The following PDSS1 variants were observed in gnomAD, a reference collection of about 807,000 sequenced individuals.
The protein encoded by PDSS1 is all trans-polyprenyl-diphosphate synthase PDSS1.
A neutral mutation model predicts 57.5 loss-of-function variants in PDSS1; 43 were observed. The observed-to-expected ratio is 0.75, with a 90% confidence interval of 0.59 to 0.96. PDSS1 has a LOEUF of 0.96. Ranked by LOEUF, PDSS1 falls within the 50% of genes least tolerant of loss-of-function variation. PDSS1 has a pLI of 0.00. For missense variants in PDSS1, 438 were observed against 527.8 expected (o/e 0.83, Z 1.67); for synonymous variants, 175 against 191.3 (o/e 0.91, Z 0.70).
In PDSS1 at chr10:26,709,763, C is replaced by T; in HGVS notation, c.462C>T (p.Asn154=). Residue 154 remains asparagine, a synonymous_variant, in exon 5 of 12, where the codon AAC becomes AAT. Transcript: ENST00000376215. ...GAGCATGCAATATTCATCATAACAACTCCCGGTGAGCTCTTTTTTTCATTC... is the reference window on the plus strand; with the variant it reads ...GAGCATGCAATATTCATCATAACAATTCCCGGTGAGCTCTTTTTTTCATTC... ...MARACNIHHN[N]SRHVQASQRA... 1.9e-6 allele frequency: 3 copies of T among 1,613,862 alleles called. 1 individual carries two copies. In the East Asian group the frequency reaches 6.7e-5, roughly 36 times the overall value.
At position 26,710,643 on chromosome 10, in the gene PDSS1, A is replaced by G. The variant is rs1219337672; in HGVS notation, c.467+875A>G. Among the ~76,000 whole-genome samples, 28 of 97,908 alleles carry G rather than the reference A, an allele frequency of 2.9e-4. 9 individuals carry two copies. The highest frequency in any genetic ancestry group is 9.3e-4 in the African/African-American group (28 of 29,998). 64.2% of individuals were successfully genotyped at this position (97,908 alleles called of 152,430 possible). On this transcript the variant is annotated intron_variant, in intron 5 of 11. Coordinates refer to ENST00000376215, the MANE Select transcript of PDSS1 (RefSeq NM_014317.5). ...GCGTGAGCCACTGTGCCCAGCCCAT[A>G]AAGCTCTTTTTTGATCTGGGTTCTT...
At chr10:26,702,317 A>C (rs746557193) in intron 2 of PDSS1, 123 bp downstream of exon 2, 19 of 349,384 alleles carry the variant, frequency 5.4e-5, no homozygotes, top group Non-Finnish European at 9.2e-5. Flanking sequence ...AGCAAGGGGC[A>C]GAACGATATG....
chr10:26,745,928 C>T (rs2132333817), intron 11 of PDSS1, among the ~76,000 whole-genome samples: 1 of 151,692 alleles, frequency 6.6e-6, no homozygotes, highest in African/African-American at 2.4e-5. Context: ...CATCATAAAC[C>T]CTCTGTACTT....
chr10:26,705,962 T>C (rs1007114585), intron 4 of PDSS1, among the ~76,000 whole-genome samples: 2 of 152,234 alleles, frequency 1.3e-5, no homozygotes, highest in Non-Finnish European at 2.9e-5. Flanking sequence ...GCTTGTCCAA[T>C]GAGTTATCCC....
chr10:26,702,616 C>T (rs1835085234), intron 2 of PDSS1, among the ~76,000 whole-genome samples: 1 of 152,186 alleles, frequency 6.6e-6, no homozygotes, highest in Non-Finnish European at 1.5e-5. Context: ...GAGTCAGTTA[C>T]ACCTCTTTCT....
At chr10:26,743,474 T>C (rs1836699378) in intron 11 of PDSS1, among the ~76,000 whole-genome samples, 1 of 152,222 alleles carries the variant, frequency 6.6e-6, no homozygotes, top group Non-Finnish European at 1.5e-5. Context: ...TAACTGACTA[T>C]ACTGTTAAGC....
intron 6 of PDSS1, 58 bp downstream of exon 6, chr10:26,720,417 G>T: frequency 8.9e-7 from 1 of 1,126,380 alleles, no homozygotes; most frequent in Non-Finnish European, 1.4e-6. Flanking sequence ...TTTTCGGACC[G>T]CATTTGTTTC....
rs547076829 is a variant in PDSS1, at chr10:26,714,461, T to C, written c.467+4693T>C. On this transcript the variant is annotated intron_variant, in intron 5 of 11. Transcript: ENST00000376215. ...CTGCACTCCAGCCTAGGGGAGACTC[T>C]GTCTCAAAAAAAAAAAAAAAAGAAA... 2.6e-5 allele frequency among the ~76,000 whole-genome samples: 3 copies of C among 115,380 alleles called. No homozygotes were observed. In the East Asian group the frequency reaches 9.3e-4, roughly 36 times the overall value. 75.7% of individuals were successfully genotyped at this position (115,380 alleles called of 152,430 possible).
At chr10:26,741,282 T>A (rs1231285768) in intron 10 of PDSS1, among the ~76,000 whole-genome samples, 2 of 152,104 alleles carry the variant, frequency 1.3e-5, no homozygotes, top group African/African-American at 4.8e-5. Flanking sequence ...GTCAGGAGTT[T>A]GAGACCAGCC....
intron 1 of PDSS1, among the ~76,000 whole-genome samples, chr10:26,700,181 A>G (rs1354694301): frequency 1.3e-5 from 2 of 150,638 alleles, no homozygotes; most frequent in Non-Finnish European, 3.0e-5. Context: ...TTTTTAATTT[A>G]TTTTTTTAGA....
Position 26,724,916 on chromosome 10 carries a change from A to G in PDSS1, c.831+793A>G, listed in dbSNP as rs143384000. Among the ~76,000 whole-genome samples the G allele has an allele frequency of 1.6e-3, 251 of 152,334 alleles. 2 individuals carry two copies. The highest frequency in any genetic ancestry group is 3.0e-3 in the Non-Finnish European group (202 of 68,036). The stretch of plus-strand genomic sequence containing the variant: ...TGGCCAATCCTTCTAATATTTTTAC[A>G]TGAAATATAAACAAGTCCTATTTCT... On this transcript the variant is annotated intron_variant, in intron 8 of 11. Transcript: ENST00000376215.
At chr10:26,745,575 G>A (rs773073963) in intron 11 of PDSS1, among the ~76,000 whole-genome samples, 10 of 152,054 alleles carry the variant, frequency 6.6e-5, no homozygotes, top group South Asian at 4.1e-4. Context: ...GGCTGGGCAC[G>A]GTGGCTCACA....
At chr10:26,704,061 G>A (rs2477295) in intron 2 of PDSS1, among the ~76,000 whole-genome samples, 66,162 of 118,362 alleles carry the variant, frequency 0.56, 17,973 homozygotes, top group Middle Eastern at 0.72. Context: ...CAGCCTGGAC[G>A]ACAGAACGAG....
chr10:26,730,202 G>A (rs189104769), intron 8 of PDSS1, among the ~76,000 whole-genome samples: 29 of 150,972 alleles, frequency 1.9e-4, no homozygotes, highest in Non-Finnish European at 2.1e-4. Context: ...GTGAGCCACC[G>A]CGCCCAGCCT....
intron 8 of PDSS1, among the ~76,000 whole-genome samples, chr10:26,726,025 C>T (rs753908425): frequency 1.1e-4 from 17 of 152,122 alleles, no homozygotes; most frequent in Non-Finnish European, 2.1e-4. Context: ...CCTGCAGGCA[C>T]GGGGTGGGGC....
intron 1 of PDSS1, 120 bp from the exon 2 acceptor site, chr10:26,702,042 A>C (rs544622039): frequency 7.1e-6 from 3 of 423,290 alleles, no homozygotes; most frequent in Non-Finnish European, 1.4e-5. Flanking sequence ...TTGGACTTGC[A>C]TGAGGCCTGT....
intron 8 of PDSS1, among the ~76,000 whole-genome samples, chr10:26,726,733 G>T (rs1835959228): frequency 1.3e-5 from 2 of 152,036 alleles, no homozygotes; most frequent in South Asian, 4.2e-4. Flanking sequence ...GGGCTGTCTA[G>T]GGGGATTGTT....
chr10:26,729,056 A>C (rs1414629313), intron 8 of PDSS1, among the ~76,000 whole-genome samples: 1 of 152,136 alleles, frequency 6.6e-6, no homozygotes, highest in African/African-American at 2.4e-5. Flanking sequence ...CTGGGATTAT[A>C]GGCGTGAGTC....
Position 26,697,737 on chromosome 10 carries a change from G to A in PDSS1, c.26G>A (p.Arg9Gln), listed in dbSNP as rs1588662597. MASRWWRW[R>Q]RGCSWKPAAR... is the part of the protein sequence containing the mutation. ...ATGGCCTCGCGCTGGTGGCGGTGGC[G>A]GCGCGGCTGCTCCTGGAAGCCGGCG... is the stretch of plus-strand genomic sequence containing the variant. Residue 9 changes from arginine to glutamine, a missense_variant, in exon 1 of 12, where the codon CGG (arginine) becomes CAG (glutamine). Arg to Gln is a conservative substitution (Grantham distance 43, BLOSUM62 1). Around this residue, in one of 2 missense-constraint regions of PDSS1, gnomAD observed 154 missense variants for 137.0 expected, o/e 1.12. Coordinates refer to ENST00000376215, the MANE Select transcript of PDSS1 (RefSeq NM_014317.5). The A allele has an allele frequency of 6.2e-6, 8 of 1,296,926 alleles. No individual in the cohort carries two copies. The highest frequency in any genetic ancestry group is 2.4e-5 in the South Asian group (1 of 41,980). The allele number at this position is 1,296,926 out of a possible 1,614,324, so 80.3% of individuals were successfully genotyped here.
Sources: allele counts gnomAD v4.1 joint callset (sites outside exome capture counted in the v4.1 genomes callset), GRCh38; gene constraint gnomAD v4.1.1; regional missense constraint gnomAD v4.1.1; transcripts MANE v1.5; gene names NCBI Gene and HGNC (gene_info 2026-07-23, HGNC 2026-07-21).